Variants in KCNN2 observed in about 807,000 individuals in gnomAD.
KCNN2 encodes the protein small conductance calcium-activated potassium channel protein 2.
A neutral mutation model predicts 55.5 loss-of-function variants in KCNN2; 24 were observed. The observed-to-expected ratio is 0.43, with a 90% CI of 0.31 to 0.61. The LOEUF (loss-of-function observed/expected upper bound fraction) is 0.61. KCNN2 is among the 20% of genes least tolerant of loss of function. The pLI is 0.08. For synonymous variants in KCNN2, 431 were observed against 336.1 expected (o/e 1.28, Z -3.09); for missense variants, 754 against 853.6 (o/e 0.88, Z 1.45).
chr5:114,210,879 A>G (rs1223115909), intron 1 of KCNN2, among the ~76,000 whole-genome samples: 2 of 152,078 alleles, frequency 1.3e-5, no homozygotes, highest in East Asian at 3.9e-4. Flanking sequence ...AGGGCCCTTC[A>G]CTCTGGCAAA....
chr5:114,416,112 A>G (rs951494578), intron 3 of KCNN2, among the ~76,000 whole-genome samples: 5 of 152,142 alleles, frequency 3.3e-5, no homozygotes, highest in African/African-American at 9.7e-5. Context: ...CTGTTTTTCA[A>G]TCCTGCTTAA....
At position 114,482,318 on chromosome 5, in the gene KCNN2, A is replaced by G. The variant is rs997971201; in HGVS notation, c.1891-4732A>G. ...ATTAGAGAAATGCAAATCGGAAACC[A>G]CAATGAGATACCATCTCACACCCAT... On this transcript the variant is annotated intron_variant, in intron 5 of 7. Coordinates refer to ENST00000673685, the MANE Select transcript of KCNN2 (RefSeq NM_021614.4). 5.3e-5 allele frequency among the ~76,000 whole-genome samples: 8 copies of G among 152,336 alleles called. No individual in the cohort carries two copies. The Middle Eastern group carries it at 0.01, about 194-fold the overall frequency.
chr5:114,459,995 C>CTTT (rs919015858), intron 3 of KCNN2, among the ~76,000 whole-genome samples: 1 of 152,128 alleles, frequency 6.6e-6, no homozygotes, highest in African/African-American at 2.4e-5. Flanking sequence ...CCAGTGTATG[C>CTTT]TTTTCATTGC....
intron 1 of KCNN2, among the ~76,000 whole-genome samples, chr5:114,103,888 T>C (rs1751424462): frequency 6.6e-6 from 1 of 152,156 alleles, no homozygotes; most frequent in African/African-American, 2.4e-5. Flanking sequence ...GAGATTTTCT[T>C]TTTTTGTTGT....
At position 114,167,390 on chromosome 5, in the gene KCNN2, A is replaced by C. The variant is rs369589407; in HGVS notation, c.-270-54090A>C. On this transcript the variant is annotated intron_variant, in intron 1 of 10. Coordinates refer to the KCNN2 transcript ENST00000512097. The stretch of plus-strand genomic sequence containing the variant: ...TTGTTTTTTAAACTTCTCTCTCCTC[A>C]CTTGGAGCATGTAATCTTACCATCA... 9.2e-5 allele frequency among the ~76,000 whole-genome samples: 14 copies of C among 152,240 alleles called. No homozygotes were observed. In the East Asian group the frequency reaches 1.7e-3, roughly 19 times the overall value.
intron 2 of KCNN2, among the ~76,000 whole-genome samples, chr5:114,324,550 C>A (rs757010351): frequency 1.3e-5 from 2 of 152,192 alleles, no homozygotes; most frequent in Non-Finnish European, 2.9e-5. Flanking sequence ...GAAACAGATT[C>A]TCCCTGTCAG....
intron 2 of KCNN2, among the ~76,000 whole-genome samples, chr5:114,293,012 G>A (rs1164518609): frequency 6.6e-6 from 1 of 152,156 alleles, no homozygotes; most frequent in African/African-American, 2.4e-5. Flanking sequence ...TGGTGCATAA[G>A]AATGCTTGTA....
intron 1 of KCNN2, among the ~76,000 whole-genome samples, chr5:114,139,151 G>A (rs1188976051): frequency 6.6e-6 from 1 of 152,064 alleles, no homozygotes; most frequent in Non-Finnish European, 1.5e-5. Flanking sequence ...CAACCTCTCT[G>A]TTATTTGATT....
At chr5:114,185,982 G>T (rs1753324388) in intron 1 of KCNN2, among the ~76,000 whole-genome samples, 1 of 152,136 alleles carries the variant, frequency 6.6e-6, no homozygotes, top group African/African-American at 2.4e-5. Context: ...CTGCAGCTGA[G>T]ACCTTAATTT....
intron 1 of KCNN2, among the ~76,000 whole-genome samples, chr5:114,086,710 C>T (rs773024444): frequency 7.9e-5 from 12 of 151,964 alleles, no homozygotes; most frequent in African/African-American, 1.2e-4. Flanking sequence ...GATTCCATGT[C>T]TTTGCTATTG....
At chr5:114,203,239 A>G (rs531826558) in intron 1 of KCNN2, among the ~76,000 whole-genome samples, 2 of 152,184 alleles carry the variant, frequency 1.3e-5, no homozygotes, top group Non-Finnish European at 2.9e-5. Context: ...TCTTTTGCTG[A>G]TTATGGTGAT....
At chr5:114,186,185 C>G (rs988923515) in intron 1 of KCNN2, among the ~76,000 whole-genome samples, 66 of 152,210 alleles carry the variant, frequency 4.3e-4, no homozygotes, top group African/African-American at 1.6e-3. Context: ...GACCAGTATA[C>G]TAAATAAGTA....
chr5:114,369,804 A>G (rs1757711308), intron 2 of KCNN2, among the ~76,000 whole-genome samples: 1 of 152,056 alleles, frequency 6.6e-6, no homozygotes, highest in African/African-American at 2.4e-5. Flanking sequence ...AGCATCACAA[A>G]TGAATGAAGA....
chr5:114,080,360 A>G (rs1213267611), intron 1 of KCNN2, among the ~76,000 whole-genome samples: 2 of 152,226 alleles, frequency 1.3e-5, no homozygotes, highest in African/African-American at 4.8e-5. Flanking sequence ...ATGTTCTGAA[A>G]GAATTTGTTT....
intron 4 of KCNN2, among the ~76,000 whole-genome samples, chr5:114,469,506 G>A (rs1761616384): frequency 6.6e-6 from 1 of 152,146 alleles, no homozygotes; most frequent in Admixed American, 6.6e-5. Context: ...TCTGACTTTG[G>A]TGAAAGGAAT....
At chr5:114,222,009 G>T (rs1179321546) in intron 2 of KCNN2, among the ~76,000 whole-genome samples, 1 of 152,284 alleles carries the variant, frequency 6.6e-6, no homozygotes, top group South Asian at 2.1e-4. Context: ...TCACCAAGAA[G>T]TTGAGGTTAA....
intron 2 of KCNN2, among the ~76,000 whole-genome samples, chr5:114,240,497 C>G (rs982303688): frequency 1.3e-5 from 2 of 148,698 alleles, no homozygotes; most frequent in African/African-American, 5.0e-5. Context: ...GTGGCATGAT[C>G]TCGACTCACT....
At chr5:114,159,279 G>A (rs1342864297) in intron 1 of KCNN2, among the ~76,000 whole-genome samples, 1 of 152,076 alleles carries the variant, frequency 6.6e-6, no homozygotes, top group Admixed American at 6.6e-5. Flanking sequence ...TTTTACCTTT[G>A]GTTCTGTTTA....
intron 5 of KCNN2, among the ~76,000 whole-genome samples, chr5:114,480,222 T>A (rs1230034981): frequency 1.3e-5 from 2 of 152,092 alleles, no homozygotes; most frequent in Admixed American, 1.3e-4. Flanking sequence ...CAGAGAATGC[T>A]ATTAAACACC....
Sources: allele counts gnomAD v4.1 joint callset (sites outside exome capture counted in the v4.1 genomes callset), GRCh38; gene constraint gnomAD v4.1.1; transcripts MANE v1.5; gene names NCBI Gene and HGNC (gene_info 2026-07-23, HGNC 2026-07-21).